The following MRE11 variants were observed in gnomAD, a reference collection of about 807,000 sequenced individuals.
The protein encoded by MRE11 is double-strand break repair protein MRE11.
In MRE11, 62 loss-of-function variants were observed where a neutral mutation model predicts 91.7. The ratio of observed to expected loss-of-function variants is 0.68; its 90% confidence interval spans 0.55 to 0.84. The LOEUF is 0.84. Among genes scored for constraint, MRE11 ranks in the 40% least tolerant of loss-of-function variants. MRE11 has a pLI of 0.00. For missense variants in MRE11, 796 were observed against 852.9 expected (o/e 0.93, Z 0.83); for synonymous variants, 273 against 271.4 (o/e 1.01, Z -0.06).
Position 94,429,112 on chromosome 11 carries a change from C to T in MRE11, c.2070+799G>A, listed in dbSNP as rs116612692. Among the ~76,000 whole-genome samples, 898 of 152,220 alleles carry T rather than the reference C, an allele frequency of 5.9e-3. 5 individuals are homozygous for T. Among genetic ancestry groups the T allele is most frequent in the African/African-American group, 0.02 (810 of 41,538 alleles). On this transcript the variant is annotated intron_variant, in intron 19 of 19. Coordinates refer to ENST00000323929, the MANE Select transcript of MRE11 (RefSeq NM_005591.4). ...AAAAGTGCTTATCATCACTAATCAT[C>T]GGAGAAATGTAAATCAAAACCACAA...
Position 94,461,033 on chromosome 11 carries a change from T to C in MRE11, c.1229A>G (p.Glu410Gly). The C allele has an allele frequency of 1.9e-6, 3 of 1,611,256 alleles. No individual in the cohort carries two copies. The highest frequency in any genetic ancestry group is 2.5e-6 in the Non-Finnish European group (3 of 1,178,334). The change falls in exon 12 of 20, where the codon GAA becomes GGA. Residue 410 changes from glutamate to glycine, a missense_variant. By Grantham distance (98) the Glu-to-Gly change is moderately conservative (BLOSUM62 -2). Transcript: ENST00000323929. ...GATAAGTTTCCCAAAGTTGATCTCTTCTCCTAGAAAAAAAGAAGTATATCA... is the reference window on the plus strand; with the variant it reads ...GATAAGTTTCCCAAAGTTGATCTCTCCTCCTAGAAAAAAAGAAGTATATCA... The part of the protein sequence containing the change: ...RHREQKEKTG[E>G]EINFGKLITK...
chr11:94,438,405 TG>T (rs1367019166), intron 16 of MRE11, among the ~76,000 whole-genome samples: 5 of 152,190 alleles, frequency 3.3e-5, no homozygotes, highest in African/African-American at 4.8e-5. Context: ...TCCCCAAACT[TG>T]TAATATCTAA....
intron 12 of MRE11, among the ~76,000 whole-genome samples, chr11:94,459,848 A>G (rs1946368667): frequency 6.6e-6 from 1 of 152,162 alleles, no homozygotes; most frequent in South Asian, 2.1e-4. Context: ...GAAATTAACC[A>G]GTGTCATAGG....
intron 16 of MRE11, among the ~76,000 whole-genome samples, chr11:94,438,372 C>T (rs983216772): frequency 2.0e-5 from 3 of 152,190 alleles, no homozygotes; most frequent in Non-Finnish European, 2.9e-5. Flanking sequence ...TGTGTTTGCA[C>T]ATGTTTCCTA....
intron 6 of MRE11, among the ~76,000 whole-genome samples, chr11:94,478,427 T>G (rs1946927940): frequency 6.6e-6 from 1 of 152,170 alleles, no homozygotes; most frequent in Admixed American, 6.5e-5. Context: ...CTAGCGGTAT[T>G]GTACAGTGAA....
At chr11:94,501,680 G>A in the MRE11 span, among the ~76,000 whole-genome samples, 4 of 151,462 alleles carry the variant, frequency 2.6e-5, no homozygotes, top group African/African-American at 4.8e-5. Flanking sequence ...GGCACAGAAG[G>A]ATGGTTACAC....
chr11:94,493,578 AC>A (rs1565244053), intron 1 of MRE11: 2 of 151,540 alleles, frequency 1.3e-5, no homozygotes, highest in African/African-American at 4.9e-5. Flanking sequence ...GCCCGCCAGG[AC>A]CCCTCCCCTG....
Position 94,470,548 on chromosome 11 carries a change from GA to G in MRE11, c.939del (p.Leu314Ter), listed in dbSNP as rs765675945. On this transcript the variant is annotated frameshift_variant, in exon 9 of 20. Coordinates refer to ENST00000323929, the MANE Select transcript of MRE11 (RefSeq NM_005591.4). LOFTEE classifies it high-confidence loss of function. ...TVRQFFMEDIVLANHPDIFNP... is the reference protein window; with the variant it reads ...TVRQFFMEDIXLANHPDIFNP... ...TTAAAAATGTCTGGATGATTAGCTAGAACAATATCCTCCATGAAAAACTGCC... is the reference window on the plus strand; with the variant it reads ...TTAAAAATGTCTGGATGATTAGCTAGACAATATCCTCCATGAAAAACTGCC... 2 of 1,613,176 alleles carry G rather than the reference GA, an allele frequency of 1.2e-6. No homozygotes were observed. The highest frequency in any genetic ancestry group is 1.7e-6 in the Non-Finnish European group (2 of 1,179,318).
At chr11:94,494,653 T>C (rs2135157162), upstream of MRE11, among the ~76,000 whole-genome samples, 2 of 152,316 alleles carry the variant, frequency 1.3e-5, no homozygotes, top group South Asian at 4.1e-4. Context: ...GTTTTGTTTC[T>C]TAACTGTAAG....
chr11:94,448,436 A>T (rs918931821), intron 14 of MRE11, among the ~76,000 whole-genome samples: 1 of 151,830 alleles, frequency 6.6e-6, no homozygotes. Flanking sequence ...AAAAAAACAC[A>T]AAAGAACAAA....
intron 14 of MRE11, among the ~76,000 whole-genome samples, chr11:94,447,768 A>G (rs1945979609): frequency 1.3e-5 from 2 of 151,810 alleles, no homozygotes; most frequent in Admixed American, 6.6e-5. Flanking sequence ...CCTAGGAGAT[A>G]CAGGCTGCAG....
At chr11:94,464,592 A>C (rs1247891947) in intron 10 of MRE11, among the ~76,000 whole-genome samples, 2 of 152,124 alleles carry the variant, frequency 1.3e-5, no homozygotes, top group Non-Finnish European at 2.9e-5. Flanking sequence ...CAAACAAACA[A>C]ACACACACCA....
chr11:94,485,608 A>ATT (rs759826711), intron 4 of MRE11, among the ~76,000 whole-genome samples: 16 of 140,850 alleles, frequency 1.1e-4, no homozygotes, highest in Non-Finnish European at 1.6e-4. Flanking sequence ...CCCACCATGT[A>ATT]TTTTTTTTTT....
chr11:94,505,487 C>T, the MRE11 span, among the ~76,000 whole-genome samples: 1 of 151,964 alleles, frequency 6.6e-6, no homozygotes, highest in South Asian at 2.1e-4. Context: ...AAAAAAAGCT[C>T]ATAGAATGAG....
intron 14 of MRE11, among the ~76,000 whole-genome samples, chr11:94,448,153 A>C (rs530947704): frequency 6.6e-6 from 1 of 152,198 alleles, no homozygotes; most frequent in African/African-American, 2.4e-5. Context: ...ATCTCTGGGC[A>C]CTAATATTTT....
chr11:94,511,454 T>C, the MRE11 span, among the ~76,000 whole-genome samples: 7 of 152,224 alleles, frequency 4.6e-5, no homozygotes, highest in Non-Finnish European at 1.0e-4. Flanking sequence ...ACAATTGTCA[T>C]AGTAATGTAA....
At chr11:94,433,215 CCCT>C (rs1201033894) in intron 18 of MRE11, among the ~76,000 whole-genome samples, 1 of 152,190 alleles carries the variant, frequency 6.6e-6, no homozygotes, top group African/African-American at 2.4e-5. Flanking sequence ...ACCTGCAGCA[CCCT>C]CCTTTCAGAT....
At chr11:94,483,438 T>C (rs1473679863) in intron 4 of MRE11, among the ~76,000 whole-genome samples, 1 of 152,150 alleles carries the variant, frequency 6.6e-6, no homozygotes, top group Non-Finnish European at 1.5e-5. Context: ...AATTGAATCA[T>C]GGGGGCAGGC....
At chr11:94,497,158 A>C, upstream of MRE11, 2 of 627,480 alleles carry the variant, frequency 3.2e-6, no homozygotes, top group Non-Finnish European at 5.5e-6. Flanking sequence ...CTATAAAGAT[A>C]GCAAGCAATC....
Sources: gnomAD v4.1 joint callset for allele counts (sites outside exome capture counted in the v4.1 genomes callset) on GRCh38, gnomAD v4.1.1 for gene constraint, MANE v1.5 for transcripts, NCBI Gene and HGNC (gene_info 2026-07-23, HGNC 2026-07-21) for gene names.